The following CEP63 variants were observed in gnomAD, a reference collection of about 807,000 sequenced individuals.
The protein encoded by CEP63 is centrosomal protein 63.
In CEP63, 84 loss-of-function variants were observed where a neutral mutation model predicts 89.1. The ratio of observed to expected loss-of-function variants is 0.94; its 90% CI spans 0.79 to 1.13. CEP63 has a LOEUF of 1.13. Among genes scored for constraint, CEP63 ranks in the 50% most tolerant of loss-of-function variants. The probability of loss-of-function intolerance (pLI) is 0.00; values close to 1 mark genes in which losing one functional copy is unlikely to be tolerated. For synonymous variants in CEP63, 267 were observed against 272.5 expected (o/e 0.98, Z 0.20); for missense variants, 838 against 813.3 (o/e 1.03, Z -0.37).
Position 134,559,280 on chromosome 3 carries a change from C to T in CEP63, c.1804C>T (p.Gln602Ter). The change falls in exon 14 of 15, where the codon CAA becomes TAA. Residue 602 changes from glutamine (Q) to a stop codon, truncating the protein, a stop_gained. Coordinates refer to ENST00000675561, the MANE Select transcript of CEP63 (RefSeq NM_001353108.3). LOFTEE classifies it high-confidence loss of function. ...TAGGGTGCTAAGCCCCCTGAGTCCT[C>T]AAATCAGCCCTTGCAGCTCCACCAG... ...MSRVLSPLSP[Q>*]ISPCSSTRSL... The T allele has an allele frequency of 6.2e-7, 1 of 1,614,190 alleles. No individual in the cohort carries two copies. Among genetic ancestry groups the T allele is most frequent in the Non-Finnish European group, 8.5e-7 (1 of 1,180,028 alleles).
the CEP63 span, among the ~76,000 whole-genome samples, chr3:134,708,471 G>A: frequency 4.3e-4 from 66 of 152,342 alleles, no homozygotes; most frequent in Admixed American, 3.3e-3. Context: ...GGCCTCTCCA[G>A]GCTTGGAGTG....
intron 13 of CEP63, among the ~76,000 whole-genome samples, chr3:134,558,621 C>G (rs1473525513): frequency 6.6e-6 from 1 of 152,164 alleles, no homozygotes; most frequent in African/African-American, 2.4e-5. Context: ...TGCCTTCCAC[C>G]TCTTCAACCC....
At chr3:134,518,994 T>TA in intron 3 of CEP63, among the ~76,000 whole-genome samples, 1 of 152,134 alleles carries the variant, frequency 6.6e-6, no homozygotes, top group East Asian at 1.9e-4. Context: ...AAAGGGGTTA[T>TA]AAAAAGATAC....
At chr3:134,679,100 G>T in the CEP63 span, among the ~76,000 whole-genome samples, 6 of 151,104 alleles carry the variant, frequency 4.0e-5, no homozygotes, top group African/African-American at 1.2e-4. Flanking sequence ...GTTGGAGGAT[G>T]GTAGTTTACT....
Position 134,486,098 on chromosome 3 carries a change from G to T in CEP63, c.-130G>T. On this transcript the variant is annotated 5_prime_UTR_variant, in exon 1 of 15. Coordinates refer to ENST00000675561, the MANE Select transcript of CEP63 (RefSeq NM_001353108.3). Reference sequence around the variant, plus strand: ...GCAGGGGAAGTCTGGAGAAGGCATTGTTTCAATTATTAAAAGTGTGGGGGC... The same window carrying T: ...GCAGGGGAAGTCTGGAGAAGGCATTTTTTCAATTATTAAAAGTGTGGGGGC... 5 of 985,456 alleles carry T rather than the reference G, an allele frequency of 5.1e-6. No individual in the cohort carries two copies. The highest frequency in any genetic ancestry group is 6.0e-6 in the Non-Finnish European group (5 of 830,014). The allele number at this position is 985,456 out of a possible 1,614,324, so 61.0% of individuals were successfully genotyped here. A position where few individuals can be genotyped will look rare whatever the true frequency, so the allele number is the denominator to read the frequency against.
rs1042570475 is a variant in CEP63 at position 134,562,229 on chromosome 3, T to C, written c.*694T>C. The C allele has an allele frequency of 7.1e-6, 7 of 985,222 alleles. No homozygotes were observed. In the African/African-American group the frequency reaches 1.2e-4, roughly 17 times the overall value. 61.0% of individuals were successfully genotyped at this position (985,222 alleles called of 1,614,324 possible). On this transcript the variant is annotated 3_prime_UTR_variant, in exon 15 of 15. Coordinates refer to ENST00000675561, the MANE Select transcript of CEP63 (RefSeq NM_001353108.3). ...CTGCACTGCTGAGGACAAGTTTAGA[T>C]GGGAGACAAAGATCTGGATGTTGAT...
the CEP63 span, chr3:134,651,035 G>C: frequency 6.3e-7 from 1 of 1,595,922 alleles, no homozygotes; most frequent in East Asian, 2.3e-5. Flanking sequence ...CCCCGTGCGC[G>C]CAGCTGCCCC....
chr3:134,687,472 G>A, the CEP63 span, among the ~76,000 whole-genome samples: 2 of 152,110 alleles, frequency 1.3e-5, no homozygotes, highest in South Asian at 2.1e-4. Context: ...ATTGCTGTGG[G>A]GTTTTCTCCA....
At chr3:134,723,861 C>A in the CEP63 span, among the ~76,000 whole-genome samples, 1 of 152,202 alleles carries the variant, frequency 6.6e-6, no homozygotes, top group South Asian at 2.1e-4. Flanking sequence ...ATTTCCTCCA[C>A]AAGACGCAGA....
At chr3:134,779,686 C>A in the CEP63 span, 1 of 152,176 alleles carries the variant, frequency 6.6e-6, no homozygotes. Flanking sequence ...AGGATCAGAG[C>A]CTTAAGGTGG....
chr3:134,741,141 C>T, the CEP63 span, among the ~76,000 whole-genome samples: 2 of 152,318 alleles, frequency 1.3e-5, no homozygotes, highest in South Asian at 2.1e-4. Context: ...TGTCCCCACT[C>T]AGTTTTCAGA....
chr3:134,550,126 GA>G lies in CEP63; in HGVS notation c.1249del (p.Ile417SerfsTer4). ...YSSALEGMKM[E>X]ISHLTQELHQ... ...TTCTGCACTAGAAGGAATGAAGATGGAAATCTCCCATCTAACTCAGGAGTTA... is the reference window on the plus strand; with the variant it reads ...TTCTGCACTAGAAGGAATGAAGATGGAATCTCCCATCTAACTCAGGAGTTA... On this transcript the variant is annotated frameshift_variant, in exon 11 of 15. Transcript: ENST00000675561. LOFTEE classifies it high-confidence loss of function. 1 of 1,613,476 alleles carries G rather than the reference GA, an allele frequency of 6.2e-7. No homozygotes were observed. The highest frequency in any genetic ancestry group is 8.5e-7 in the Non-Finnish European group (1 of 1,179,648).
the CEP63 span, among the ~76,000 whole-genome samples, chr3:134,764,268 G>T: frequency 6.6e-6 from 1 of 152,168 alleles, no homozygotes; most frequent in Non-Finnish European, 1.5e-5. Context: ...CCTTTCCAAA[G>T]CCTTCCGAGG....
the CEP63 span, among the ~76,000 whole-genome samples, chr3:134,700,669 C>T: frequency 6.6e-6 from 1 of 152,102 alleles, no homozygotes; most frequent in Non-Finnish European, 1.5e-5. Flanking sequence ...CTTTCCAATA[C>T]AGTCATATCA....
chr3:134,528,448 A>G (rs1949110227), intron 3 of CEP63, among the ~76,000 whole-genome samples: 1 of 152,156 alleles, frequency 6.6e-6, no homozygotes, highest in Non-Finnish European at 1.5e-5. Context: ...CCATGCTGTT[A>G]GCAGATCTTA....
the CEP63 span, among the ~76,000 whole-genome samples, chr3:134,732,474 A>G: frequency 1.3e-5 from 2 of 152,318 alleles, no homozygotes; most frequent in Admixed American, 6.5e-5. Flanking sequence ...TAAACTCAGG[A>G]AAGAAATGGA....
At chr3:134,508,111 G>A (rs1008156240) in intron 3 of CEP63, among the ~76,000 whole-genome samples, 28 of 152,196 alleles carry the variant, frequency 1.8e-4, no homozygotes, top group Admixed American at 6.5e-4. Flanking sequence ...GGTACACACT[G>A]AGATTGTGAT....
chr3:134,636,561 TCCCAGACCAG>T, the CEP63 span, among the ~76,000 whole-genome samples: 1 of 152,148 alleles, frequency 6.6e-6, no homozygotes, highest in Non-Finnish European at 1.5e-5. Flanking sequence ...GGTGAGGCTA[TCCCAGACCAG>T]CTGGTCTCCA....
chr3:134,648,324 CT>C, the CEP63 span, among the ~76,000 whole-genome samples: 1 of 152,190 alleles, frequency 6.6e-6, no homozygotes, highest in Non-Finnish European at 1.5e-5. Flanking sequence ...CCGCCACTCT[CT>C]TCTTAACACC....
Sources: gnomAD v4.1 joint callset for allele counts (sites outside exome capture counted in the v4.1 genomes callset) on GRCh38, gnomAD v4.1.1 for gene constraint, MANE v1.5 for transcripts, NCBI Gene and HGNC (gene_info 2026-07-23, HGNC 2026-07-21) for gene names.